The following CELF5 variants were observed in gnomAD, a reference collection of about 807,000 sequenced individuals.
The protein encoded by CELF5 is CUG-BP and ETR-3 like factor 5.
In CELF5, 6 loss-of-function variants were observed where a neutral mutation model predicts 54.9. The observed-to-expected ratio is 0.11, with a 90% CI of 0.06 to 0.22. The LOEUF is 0.22. CELF5 is among the 10% of genes least tolerant of loss of function. The probability of loss-of-function intolerance (pLI) is 1.00; values close to 1 mark genes in which losing one functional copy is unlikely to be tolerated. For synonymous variants in CELF5, 271 were observed against 290.9 expected (o/e 0.93, Z 0.70); for missense variants, 401 against 678.6 (o/e 0.59, Z 4.54).
chr19:3,265,461 A>G (rs539196856), intron 2 of CELF5, among the ~76,000 whole-genome samples: 11 of 152,318 alleles, frequency 7.2e-5, no homozygotes, highest in South Asian at 2.1e-4. Context: ...AGCCCCGAGC[A>G]GAAGTTCAGA....
intron 1 of CELF5, among the ~76,000 whole-genome samples, chr19:3,231,689 TGGATGGATGGATGGGC>T (rs1385971529): frequency 7.5e-6 from 1 of 133,320 alleles, no homozygotes; most frequent in African/African-American, 2.9e-5. Flanking sequence ...GGTGGGTGGA[TGGATGGATGGATGGGC>T]GGATGAATAG....
chr19:3,267,079 G>C (rs1173729315), intron 2 of CELF5, among the ~76,000 whole-genome samples: 2 of 142,872 alleles, frequency 1.4e-5, no homozygotes, highest in Non-Finnish European at 3.1e-5. Flanking sequence ...GTGTGCGTGT[G>C]CGTGTGTGCA....
In CELF5 at chr19:3,282,543, T is replaced by C. The variant is rs773157499; in HGVS notation, c.1039+45T>C. On this transcript the variant is annotated intron_variant, in intron 8 of 12. Coordinates refer to ENST00000292672, the MANE Select transcript of CELF5 (RefSeq NM_021938.4). This position sits in a 1 kb window ranked among gnomAD's most constrained non-coding sequence, Gnocchi z 5.2. ...TGGGGCCTAGGAGAGTGGTGGGGAATAAAGATGGTGTTTCTGGAACAAGTA... is the reference window on the plus strand; with the variant it reads ...TGGGGCCTAGGAGAGTGGTGGGGAACAAAGATGGTGTTTCTGGAACAAGTA... 1 of 1,573,734 alleles carries C rather than the reference T, an allele frequency of 6.4e-7. No individual in the cohort carries two copies. Among genetic ancestry groups the C allele is most frequent in the Non-Finnish European group, 8.6e-7 (1 of 1,160,930 alleles).
chr19:3,257,802 T>A (rs2079752206), intron 2 of CELF5, among the ~76,000 whole-genome samples: 2 of 143,322 alleles, frequency 1.4e-5, no homozygotes, highest in Admixed American at 7.0e-5. Flanking sequence ...TATTTATTTA[T>A]TTATTTATTT....
chr19:3,265,124 C>G (rs1412611311), intron 2 of CELF5, among the ~76,000 whole-genome samples: 1 of 152,104 alleles, frequency 6.6e-6, no homozygotes, highest in African/African-American at 2.4e-5. Context: ...ATTGCTTGAG[C>G]CCAGGAGTTC....
intron 8 of CELF5, among the ~76,000 whole-genome samples, chr19:3,284,264 A>G (rs2080198090): frequency 6.6e-6 from 1 of 151,936 alleles, no homozygotes; most frequent in African/African-American, 2.4e-5. Context: ...GAAGATACAG[A>G]ACTGCTTCTT....
In CELF5 at chr19:3,250,947, C is replaced by G. The variant is rs201296434; in HGVS notation, c.260-38C>G. On this transcript the variant is annotated intron_variant, in intron 1 of 12. Coordinates refer to ENST00000292672, the MANE Select transcript of CELF5 (RefSeq NM_021938.4). ...GGTGCTGCTGTGACCATGGGTGTGCCCGTGCTCTCTTAACACCCCCGTTTC... is the reference window on the plus strand; with the variant it reads ...GGTGCTGCTGTGACCATGGGTGTGCGCGTGCTCTCTTAACACCCCCGTTTC... 17 of 1,502,654 alleles carry G rather than the reference C, an allele frequency of 1.1e-5. No individual in the cohort carries two copies. The East Asian group carries it at 3.8e-4, about 34-fold the overall frequency. The allele number at this position is 1,502,654 out of a possible 1,614,324, so 93.1% of individuals were successfully genotyped here.
rs2080087635 is a variant in CELF5, at chr19:3,278,181, G to A, written c.603+71G>A. The A allele has an allele frequency of 2.8e-6, 3 of 1,055,468 alleles. No homozygotes were observed. Among genetic ancestry groups the A allele is most frequent in the Non-Finnish European group, 2.8e-6 (2 of 711,382 alleles). The allele number at this position is 1,055,468 out of a possible 1,614,324, so 65.4% of individuals were successfully genotyped here. A position where few individuals can be genotyped will look rare whatever the true frequency, so the allele number is the denominator to read the frequency against. On this transcript the variant is annotated intron_variant, in intron 5 of 12. Transcript: ENST00000292672. This position sits in a 1 kb window ranked among gnomAD's most constrained non-coding sequence, Gnocchi z 4.5. ...GGTGAGGGGGACAGGGATGAAACAG[G>A]CCATATTCCTACCGTCGCTGTCATC...
Position 3,228,041 on chromosome 19 carries a change from G to C in CELF5, c.259+3043G>C, listed in dbSNP as rs758531169. 1.3e-4 allele frequency among the ~76,000 whole-genome samples: 20 copies of C among 152,238 alleles called. No individual in the cohort carries two copies. Among genetic ancestry groups the C allele is most frequent in the Non-Finnish European group, 2.2e-4 (15 of 68,008 alleles). ...CATCCAGGAGCGGGGCAGGGGTAGGGGGAGAGGGATGCGTCGAGGTGGTCT... is the reference window on the plus strand; with the variant it reads ...CATCCAGGAGCGGGGCAGGGGTAGGCGGAGAGGGATGCGTCGAGGTGGTCT... On this transcript the variant is annotated intron_variant, in intron 1 of 12. Transcript: ENST00000292672. This position sits in a 1 kb window ranked among gnomAD's most constrained non-coding sequence, Gnocchi z 6.0.
chr19:3,246,209 C>T (rs2079564601), intron 1 of CELF5, among the ~76,000 whole-genome samples: 2 of 151,960 alleles, frequency 1.3e-5, no homozygotes, highest in Non-Finnish European at 2.9e-5. Flanking sequence ...ATTAAAAATA[C>T]AAAAGTTAGC....
chr19:3,270,560 G>A (rs2079944783), intron 2 of CELF5: 1 of 147,154 alleles, frequency 6.8e-6, no homozygotes, highest in Admixed American at 6.8e-5. Context: ...GGCGCGCGGC[G>A]CGGGGCCCGA....
At chr19:3,250,178 C>T (rs555286846) in intron 1 of CELF5, among the ~76,000 whole-genome samples, 18 of 152,268 alleles carry the variant, frequency 1.2e-4, no homozygotes, top group Admixed American at 4.6e-4. Context: ...TCAAATGTAC[C>T]GTCTTAACCA....
intron 2 of CELF5, among the ~76,000 whole-genome samples, chr19:3,264,375 G>A (rs999820743): frequency 6.8e-6 from 1 of 147,968 alleles, no homozygotes; most frequent in African/African-American, 2.5e-5. Flanking sequence ...TTTTATGTGT[G>A]CCTTCTTGTT....
Position 3,253,101 on chromosome 19 carries a change from T to TA in CELF5, c.342+2045dup, listed in dbSNP as rs112735398. On this transcript the variant is annotated intron_variant, in intron 2 of 12. Coordinates refer to ENST00000292672, the MANE Select transcript of CELF5 (RefSeq NM_021938.4). ...CCAACCAGAAGCTAAAAAAGTACAT[T>TA]AAAAAAAAAAAGAAAGAAAGAAATC... Among the ~76,000 whole-genome samples, 344 of 142,830 alleles carry TA rather than the reference T, an allele frequency of 2.4e-3. 2 individuals are homozygous for TA. Among genetic ancestry groups the TA allele is most frequent in the Admixed American group, 3.3e-3 (47 of 14,288 alleles). The allele number at this position is 142,830 out of a possible 152,430, so 93.7% of individuals were successfully genotyped here.
rs566206012 is a variant in CELF5, at chr19:3,291,426, C to A, written c.1330+1052C>A. 3.5e-4 allele frequency among the ~76,000 whole-genome samples: 53 copies of A among 151,932 alleles called. No homozygotes were observed. In the South Asian group the frequency reaches 0.011, roughly 30 times the overall value. On this transcript the variant is annotated intron_variant, in intron 11 of 12. Coordinates refer to ENST00000292672, the MANE Select transcript of CELF5 (RefSeq NM_021938.4). Reference sequence around the variant, plus strand: ...TAAAAATACAAAAAAATTAGCCGGGCATGGTGGTGGGTGCCTGTAATCCCA... The same window carrying A: ...TAAAAATACAAAAAAATTAGCCGGGAATGGTGGTGGGTGCCTGTAATCCCA...
intron 11 of CELF5, among the ~76,000 whole-genome samples, chr19:3,292,670 CAGA>C (rs1479030696): frequency 5.9e-5 from 9 of 151,710 alleles, no homozygotes; most frequent in Admixed American, 5.9e-4. Context: ...AGAGATGAGA[CAGA>C]AGGAGAGGGA....
At chr19:3,260,505 A>G (rs8113254) in intron 2 of CELF5, among the ~76,000 whole-genome samples, 12,332 of 151,524 alleles carry the variant, frequency 0.081, 638 homozygotes, top group Middle Eastern at 0.19. Flanking sequence ...CCCAGGCTGG[A>G]GTGCAGTGGC....
At chr19:3,250,001 C>T (rs1437974730) in intron 1 of CELF5, among the ~76,000 whole-genome samples, 1 of 152,166 alleles carries the variant, frequency 6.6e-6, no homozygotes, top group African/African-American at 2.4e-5. Flanking sequence ...ATGGCTGGAC[C>T]TCCTCTCCCT....
chr19:3,285,111 C>T, intron 9 of CELF5, 147 bp downstream of exon 9: 2 of 642,664 alleles, frequency 3.1e-6, no homozygotes, highest in Non-Finnish European at 5.4e-6. Flanking sequence ...CCACCCTTAG[C>T]CCCTTGTCCT....
Sources: gnomAD v4.1 joint callset for allele counts (sites outside exome capture counted in the v4.1 genomes callset) on GRCh38, gnomAD v4.1.1 for gene constraint, Gnocchi (gnomAD v3.1) non-coding constraint, MANE v1.5 for transcripts, NCBI Gene and HGNC (gene_info 2026-07-23, HGNC 2026-07-21) for gene names.